Variants in ITIH2 observed in about 807,000 individuals in gnomAD.
ITIH2 encodes inter-alpha-trypsin inhibitor heavy chain 2, also known as inter-alpha-trypsin inhibitor heavy chain H2.
In ITIH2, 103 loss-of-function variants were observed where a neutral mutation model predicts 104.4. That is an observed-to-expected ratio of 0.99 (90% CI 0.84 to 1.16). The LOEUF (loss-of-function observed/expected upper bound fraction) is 1.16, where lower values mean the gene tolerates loss of function less well. Among genes scored for constraint, ITIH2 ranks in the 50% most tolerant of loss-of-function variants. ITIH2 has a pLI of 0.00. For missense variants in ITIH2, 1,108 were observed against 1,162.4 expected, an observed-to-expected ratio of 0.95 and a Z score of 0.68; for synonymous variants, 436 against 435.4, an observed-to-expected ratio of 1.00 and a Z score of -0.02.
At chr10:7,715,069 T>C (rs912327506) in intron 5 of ITIH2, among the ~76,000 whole-genome samples, 1 of 152,114 alleles carries the variant, frequency 6.6e-6, no homozygotes, top group Non-Finnish European at 1.5e-5. Context: ...GAGAAGAAGC[T>C]CCAAGCAGAG....
At chr10:7,713,776 C>T (rs1461428342) in intron 5 of ITIH2, among the ~76,000 whole-genome samples, 3 of 151,998 alleles carry the variant, frequency 2.0e-5, no homozygotes, top group Non-Finnish European at 4.4e-5. Context: ...GGTTTGATCA[C>T]GGCTCACTAC....
At chr10:7,741,369 G>A (rs1191434983) in intron 16 of ITIH2, among the ~76,000 whole-genome samples, 5 of 151,870 alleles carry the variant, frequency 3.3e-5, no homozygotes, top group South Asian at 4.2e-4. Context: ...TAGTAGAGGC[G>A]GGGTTTCACT....
At chr10:7,727,678 A>G (rs766492548) in intron 10 of ITIH2, 25 bp from the exon 11 acceptor site, 19 of 1,612,858 alleles carry the variant, frequency 1.2e-5, no homozygotes, top group Middle Eastern at 1.6e-4. Context: ...CGCATACCCA[A>G]CGTTTCATTA....
intron 11 of ITIH2, among the ~76,000 whole-genome samples, chr10:7,728,580 G>C (rs927516638): frequency 1.3e-5 from 2 of 150,520 alleles, no homozygotes; most frequent in Non-Finnish European, 3.0e-5. Context: ...TTTTTTTGGA[G>C]AGACGAAGTC....
At chr10:7,720,291 A>C (rs1834889351) in intron 6 of ITIH2, among the ~76,000 whole-genome samples, 1 of 152,202 alleles carries the variant, frequency 6.6e-6, no homozygotes, top group Non-Finnish European at 1.5e-5. Context: ...ATTTATACAG[A>C]TTTTTCAAAA....
chr10:7,749,400 T>C lies in ITIH2; in HGVS notation c.*66T>C, dbSNP rs568216506. On this transcript the variant is annotated 3_prime_UTR_variant, in exon 21 of 21. Transcript: ENST00000358415. ...TTTCCCCTGTCACTTTTGCAGATAT[T>C]CTTCGGTTTGAATAATTAAAATGAA... is the stretch of plus-strand genomic sequence containing the variant. 30 of 1,374,628 alleles carry C rather than the reference T, an allele frequency of 2.2e-5. No homozygotes were observed. The East Asian group carries it at 6.3e-4, about 29-fold the overall frequency. 85.2% of individuals were successfully genotyped at this position (1,374,628 alleles called of 1,614,324 possible).
intron 20 of ITIH2, among the ~76,000 whole-genome samples, chr10:7,747,458 T>C (rs1835190052): frequency 6.6e-6 from 1 of 152,240 alleles, no homozygotes; most frequent in Non-Finnish European, 1.5e-5. Context: ...AATGGATTCT[T>C]AGTGAATATG....
At position 7,710,654 on chromosome 10, in the gene ITIH2, G is replaced by A. The variant is rs116343466; in HGVS notation, c.362+1463G>A. ...TCAACCACCATGTACTTTGGCTGCCGAAAGTGGCAGTCATGTGAACTCTAA... is the reference window on the plus strand; with the variant it reads ...TCAACCACCATGTACTTTGGCTGCCAAAAGTGGCAGTCATGTGAACTCTAA... On this transcript the variant is annotated intron_variant, in intron 4 of 20. Coordinates refer to ENST00000358415, the MANE Select transcript of ITIH2 (RefSeq NM_002216.3). Among the ~76,000 whole-genome samples the A allele has an allele frequency of 5.7e-3, 863 of 152,270 alleles. 6 individuals carry two copies. The highest frequency in any genetic ancestry group is 0.02 in the African/African-American group (820 of 41,548).
At chr10:7,727,232 T>C (rs1564302647) in intron 10 of ITIH2, 114 bp downstream of exon 10, 4 of 799,810 alleles carry the variant, frequency 5.0e-6, no homozygotes, top group Non-Finnish European at 5.9e-6. Context: ...CGAGGGCCTA[T>C]CTTAAATAAT....
chr10:7,740,332 G>A (rs964886841), intron 16 of ITIH2, among the ~76,000 whole-genome samples: 3 of 152,230 alleles, frequency 2.0e-5, no homozygotes, highest in South Asian at 2.1e-4. Flanking sequence ...CAACACTCCC[G>A]TCTCCTACCC....
In ITIH2 at chr10:7,707,206, C is replaced by T; in HGVS notation, c.165C>T (p.Ser55=). ...TGTCTAACTTCCTTTCACAGAGAAG[C>T]CTTCCAGGAGAATCGGAAGAAATGA... The part of the protein sequence containing the change: ...LVAENRRYQR[S]LPGESEEMME... Residue 55 remains serine, a synonymous_variant, in exon 3 of 21, where the codon AGC becomes AGT. Transcript: ENST00000358415. 1 of 1,601,686 alleles carries T rather than the reference C, an allele frequency of 6.2e-7. No homozygotes were observed. The highest frequency in any genetic ancestry group is 8.5e-7 in the Non-Finnish European group (1 of 1,170,610).
intron 4 of ITIH2, among the ~76,000 whole-genome samples, chr10:7,709,686 G>A (rs541146569): frequency 4.6e-5 from 7 of 152,144 alleles, no homozygotes; most frequent in Non-Finnish European, 8.8e-5. Flanking sequence ...CTTTTCCCAA[G>A]GCAATCAACT....
intron 14 of ITIH2, among the ~76,000 whole-genome samples, chr10:7,734,701 A>C (rs1200744924): frequency 6.6e-6 from 1 of 152,210 alleles, no homozygotes; most frequent in Non-Finnish European, 1.5e-5. Context: ...TCTCAAAAAT[A>C]ATAATGATAA....
At chr10:7,736,062 T>C (rs1344707801) in intron 15 of ITIH2, among the ~76,000 whole-genome samples, 1 of 152,154 alleles carries the variant, frequency 6.6e-6, no homozygotes, top group Non-Finnish European at 1.5e-5. Context: ...AAGCAAATCC[T>C]ATATTACAAT....
intron 15 of ITIH2, among the ~76,000 whole-genome samples, chr10:7,737,424 TATAC>T (rs1368083011): frequency 2.3e-5 from 3 of 133,006 alleles, no homozygotes; most frequent in African/African-American, 8.3e-5. Context: ...TATATATATA[TATAC>T]ACGTGTATAT....
At chr10:7,737,599 T>C (rs1835070387) in intron 15 of ITIH2, among the ~76,000 whole-genome samples, 1 of 127,404 alleles carries the variant, frequency 7.8e-6, no homozygotes. Context: ...TATTATATTC[T>C]ATATTCTATA....
intron 5 of ITIH2, among the ~76,000 whole-genome samples, chr10:7,713,719 G>A (rs951111807): frequency 2.0e-5 from 3 of 152,096 alleles, no homozygotes; most frequent in African/African-American, 7.2e-5. Flanking sequence ...TGTTGTTGTT[G>A]TTGTTTGAGA....
chr10:7,744,109 G>A lies in ITIH2; in HGVS notation c.2237G>A (p.Gly746Asp). The A allele has an allele frequency of 6.2e-7, 1 of 1,613,922 alleles. No homozygotes were observed. Among genetic ancestry groups the A allele is most frequent in the Non-Finnish European group, 8.5e-7 (1 of 1,179,946 alleles). ...SGIVVNGQLV[G>D]AKKPNNGKLS... ...ATTGTAGTCAACGGTCAGCTTGTTGGTGCCAAGAAGCCCAACAATGGAAAA... is the reference window on the plus strand; with the variant it reads ...ATTGTAGTCAACGGTCAGCTTGTTGATGCCAAGAAGCCCAACAATGGAAAA... Residue 746 changes from glycine to aspartate, a missense_variant, in exon 18 of 21, where the codon GGT (glycine) becomes GAT (aspartate). By Grantham distance (94) the Gly-to-Asp change is moderately conservative (BLOSUM62 -1). Coordinates refer to ENST00000358415, the MANE Select transcript of ITIH2 (RefSeq NM_002216.3).
At chr10:7,729,865 C>G (rs1218844283) in intron 11 of ITIH2, 87 bp from the exon 12 acceptor site, 2 of 859,890 alleles carry the variant, frequency 2.3e-6, no homozygotes, top group Non-Finnish European at 1.8e-6. Flanking sequence ...TCTGGACACA[C>G]TTTACTAAAC....
Sources: allele counts gnomAD v4.1 joint callset (sites outside exome capture counted in the v4.1 genomes callset), GRCh38; gene constraint gnomAD v4.1.1; transcripts MANE v1.5; gene names NCBI Gene and HGNC (gene_info 2026-07-23, HGNC 2026-07-21).